Variants in PNO1 observed in about 807,000 individuals in gnomAD.
PNO1 encodes the protein RNA-binding protein PNO1.
PNO1 carries 16 observed loss-of-function variants against 28.4 expected under a neutral mutation model. The ratio of observed to expected loss-of-function variants is 0.56; its 90% CI spans 0.38 to 0.85. The LOEUF is 0.85. Among genes scored for constraint, PNO1 ranks in the 40% least tolerant of loss-of-function variants. The probability of loss-of-function intolerance (pLI) is 0.00; values close to 1 mark genes in which losing one functional copy is unlikely to be tolerated. For synonymous variants in PNO1, 115 were observed against 110.8 expected (o/e 1.04, Z -0.24); for missense variants, 304 against 312.2 (o/e 0.97, Z 0.20).
chr2:68,172,138 A>G (rs1674146766), intron 5 of PNO1, among the ~76,000 whole-genome samples: 1 of 152,214 alleles, frequency 6.6e-6, no homozygotes, highest in South Asian at 2.1e-4. Context: ...GGGTATTGAC[A>G]TGATCGAGCA....
intron 2 of PNO1, among the ~76,000 whole-genome samples, chr2:68,158,943 G>A (rs181984264): frequency 2.0e-5 from 3 of 152,322 alleles, no homozygotes; most frequent in Non-Finnish European, 4.4e-5. Context: ...GTCCTTGTGC[G>A]AATATTATAG....
At position 68,164,171 on chromosome 2, in the gene PNO1, C is replaced by G. The variant is rs76661152; in HGVS notation, c.620+1508C>G. ...GAGCCTTGGGAGAAGCTATTTTGAACTGGAAATGTGCAAATGCACACCACA... is the reference window on the plus strand; with the variant it reads ...GAGCCTTGGGAGAAGCTATTTTGAAGTGGAAATGTGCAAATGCACACCACA... On this transcript the variant is annotated intron_variant, in intron 5 of 6. Coordinates refer to ENST00000263657, the MANE Select transcript of PNO1 (RefSeq NM_020143.4). Among the ~76,000 whole-genome samples, 660 of 152,274 alleles carry G rather than the reference C, an allele frequency of 4.3e-3. 2 individuals are homozygous for G. The highest frequency in any genetic ancestry group is 7.9e-3 in the Non-Finnish European group (540 of 68,018).
intron 3 of PNO1, 66 bp from the exon 4 acceptor site, chr2:68,162,199 T>G (rs1274334422): frequency 3.3e-6 from 4 of 1,202,852 alleles, no homozygotes. Context: ...CATAGTGCTT[T>G]GCACTTTACT....
chr2:68,173,220 C>G (rs1487433018), intron 5 of PNO1, 127 bp from the exon 6 acceptor site: 9 of 594,564 alleles, frequency 1.5e-5, no homozygotes, highest in Non-Finnish European at 2.7e-5. Context: ...TCTCATTATG[C>G]TGTCCAGGCT....
chr2:68,171,467 C>T (rs1332969591), intron 5 of PNO1, among the ~76,000 whole-genome samples: 1 of 152,212 alleles, frequency 6.6e-6, no homozygotes, highest in Non-Finnish European at 1.5e-5. Context: ...TCAGTTCCAT[C>T]TCCTCCATCT....
intron 4 of PNO1, 100 bp downstream of exon 4, chr2:68,162,425 T>G: frequency 1.0e-6 from 1 of 964,070 alleles, no homozygotes; most frequent in Non-Finnish European, 1.6e-6. Flanking sequence ...TTTTAGCAAC[T>G]TATATATATA....
chr2:68,169,734 C>T (rs2103687372), intron 5 of PNO1, among the ~76,000 whole-genome samples: 1 of 152,170 alleles, frequency 6.6e-6, no homozygotes, highest in East Asian at 1.9e-4. Context: ...TAGACTAGTA[C>T]CTACATACAG....
chr2:68,172,875 A>G (rs1045115034), intron 5 of PNO1, among the ~76,000 whole-genome samples: 18 of 152,130 alleles, frequency 1.2e-4, no homozygotes, highest in Admixed American at 9.2e-4. Flanking sequence ...TTTTCAAACA[A>G]TTCTTTGTCT....
intron 5 of PNO1, among the ~76,000 whole-genome samples, chr2:68,164,628 C>G (rs1284928422): frequency 6.6e-6 from 1 of 152,000 alleles, no homozygotes; most frequent in Non-Finnish European, 1.5e-5. Flanking sequence ...ATAGGGATCT[C>G]CATCTCTACA....
At chr2:68,168,346 C>A (rs1352470411) in intron 5 of PNO1, among the ~76,000 whole-genome samples, 1 of 152,220 alleles carries the variant, frequency 6.6e-6, no homozygotes, top group Non-Finnish European at 1.5e-5. Context: ...ACTGAATGCA[C>A]TGCCTCTGGA....
rs199664436 is a variant in PNO1 at position 68,171,889 on chromosome 2, C to T, written c.621-1458C>T. On this transcript the variant is annotated intron_variant, in intron 5 of 6. Coordinates refer to ENST00000263657, the MANE Select transcript of PNO1 (RefSeq NM_020143.4). ...TGAGTAGGATCCATAGATGGGAGGTCCTGGGGTAGGGGTGAAGGATTATTT... is the reference window on the plus strand; with the variant it reads ...TGAGTAGGATCCATAGATGGGAGGTTCTGGGGTAGGGGTGAAGGATTATTT... Among the ~76,000 whole-genome samples the T allele has an allele frequency of 4.0e-5, 6 of 151,880 alleles. No homozygotes were observed. The East Asian group carries it at 7.8e-4, about 20-fold the overall frequency.
chr2:68,159,918 C>T (rs1673785993), intron 2 of PNO1, among the ~76,000 whole-genome samples: 1 of 150,788 alleles, frequency 6.6e-6, no homozygotes, highest in Non-Finnish European at 1.5e-5. Flanking sequence ...TTTCCCAGAT[C>T]ACAATGCTTT....
intron 5 of PNO1, among the ~76,000 whole-genome samples, chr2:68,169,264 G>A (rs2103686534): frequency 6.6e-6 from 1 of 152,134 alleles, no homozygotes; most frequent in East Asian, 1.9e-4. Flanking sequence ...TGACTTTTCT[G>A]TGCTGCTTTG....
At chr2:68,170,234 A>G (rs1674091563) in intron 5 of PNO1, among the ~76,000 whole-genome samples, 1 of 152,192 alleles carries the variant, frequency 6.6e-6, no homozygotes, top group African/African-American at 2.4e-5. Context: ...CAGATAGAAA[A>G]CTAAAAACAA....
chr2:68,173,336 A>C lies in PNO1; in HGVS notation c.621-11A>C, dbSNP rs1426705688. The stretch of plus-strand genomic sequence containing the variant: ...CCCAGCCACTAATTTGTCTCATTTT[A>C]TTTCTTTCAGGAAAGTTCACATCCT... On this transcript the variant is annotated splice_polypyrimidine_tract_variant and intron_variant, in intron 5 of 6. Transcript: ENST00000263657. The C allele has an allele frequency of 1.2e-5, 19 of 1,566,738 alleles. No homozygotes were observed. The highest frequency in any genetic ancestry group is 1.2e-4 in the Admixed American group (7 of 59,724).
chr2:68,164,940 T>C (rs1188122551), intron 5 of PNO1, among the ~76,000 whole-genome samples: 1 of 152,196 alleles, frequency 6.6e-6, no homozygotes, highest in African/African-American at 2.4e-5. Flanking sequence ...TATCATAGGA[T>C]ACTTCTCTTT....
chr2:68,159,488 G>C (rs1673774793), intron 2 of PNO1, among the ~76,000 whole-genome samples: 1 of 151,720 alleles, frequency 6.6e-6, no homozygotes, highest in South Asian at 2.1e-4. Flanking sequence ...TTACAGGCGT[G>C]AGCTGCCCCA....
chr2:68,163,897 T>C (rs1673908058), intron 5 of PNO1, among the ~76,000 whole-genome samples: 5 of 152,094 alleles, frequency 3.3e-5, no homozygotes, highest in Admixed American at 1.3e-4. Flanking sequence ...TGCCATGAAG[T>C]TGGGAAACTG....
In PNO1 at chr2:68,174,972, C is replaced by T; in HGVS notation, c.*170C>T. 1 of 510,848 alleles carries T rather than the reference C, an allele frequency of 2.0e-6. No individual in the cohort carries two copies. The highest frequency in any genetic ancestry group is 3.0e-5 in the South Asian group (1 of 32,980). 31.6% of individuals were successfully genotyped at this position (510,848 alleles called of 1,614,324 possible). A position where few individuals can be genotyped will look rare whatever the true frequency, so the allele number is the denominator to read the frequency against. ...AAAGAAAGATTTAAGAGGATTCACA[C>T]TCAACAGGTTTTAGGATAATTTAAA... On this transcript the variant is annotated 3_prime_UTR_variant, in exon 7 of 7. Coordinates refer to ENST00000263657, the MANE Select transcript of PNO1 (RefSeq NM_020143.4).
Sources: allele counts gnomAD v4.1 joint callset (sites outside exome capture counted in the v4.1 genomes callset), GRCh38; gene constraint gnomAD v4.1.1; transcripts MANE v1.5; gene names NCBI Gene and HGNC (gene_info 2026-07-23, HGNC 2026-07-21).